Variants in FARS2 observed in about 807,000 individuals in gnomAD.
The protein encoded by FARS2 is phenylalanine--tRNA ligase, mitochondrial.
A neutral mutation model predicts 46.4 loss-of-function variants in FARS2; 40 were observed. The ratio of observed to expected loss-of-function variants is 0.86; its 90% CI spans 0.67 to 1.12. The LOEUF (loss-of-function observed/expected upper bound fraction) is 1.12. Among genes scored for constraint, FARS2 ranks in the 50% most tolerant of loss-of-function variants. The pLI is 0.00. For missense variants in FARS2, 513 were observed against 567.9 expected, an observed-to-expected ratio of 0.90 and a Z score of 0.98; for synonymous variants, 234 against 214.9, an observed-to-expected ratio of 1.09 and a Z score of -0.78.
chr6:5,307,404 TTG>T (rs1449902623), intron 1 of FARS2, among the ~76,000 whole-genome samples: 1 of 152,212 alleles, frequency 6.6e-6, no homozygotes, highest in African/African-American at 2.4e-5. Flanking sequence ...CATTAGTTCT[TTG>T]GGATATTTTT....
intron 1 of FARS2, among the ~76,000 whole-genome samples, chr6:5,349,695 C>A (rs1757451459): frequency 6.6e-6 from 1 of 152,098 alleles, no homozygotes; most frequent in Admixed American, 6.5e-5. Flanking sequence ...ACCTAATACC[C>A]TTTTTCCATT....
At position 5,623,775 on chromosome 6, in the gene FARS2, A is replaced by G. The variant is rs117988080; in HGVS notation, c.1217+10455A>G. Among the ~76,000 whole-genome samples, 37 of 152,278 alleles carry G rather than the reference A, an allele frequency of 2.4e-4. 1 individual carries two copies. The East Asian group carries it at 4.2e-3, about 17-fold the overall frequency. ...GGCATCGATGCTGGTCAGCAGAGTTATATAGCCAGTCTGGGTGTTCTCTGG... is the reference window on the plus strand; with the variant it reads ...GGCATCGATGCTGGTCAGCAGAGTTGTATAGCCAGTCTGGGTGTTCTCTGG... On this transcript the variant is annotated intron_variant, in intron 6 of 6. Coordinates refer to ENST00000274680, the MANE Select transcript of FARS2 (RefSeq NM_006567.5).
chr6:5,318,940 G>A (rs563006439), intron 1 of FARS2, among the ~76,000 whole-genome samples: 4 of 152,290 alleles, frequency 2.6e-5, no homozygotes, highest in Non-Finnish European at 4.4e-5. Context: ...TAGGTTCCCT[G>A]CTTCCCGACC....
At chr6:5,282,395 A>C (rs982261795) in intron 1 of FARS2, among the ~76,000 whole-genome samples, 1 of 152,212 alleles carries the variant, frequency 6.6e-6, no homozygotes, top group African/African-American at 2.4e-5. Flanking sequence ...TTCACATCCC[A>C]GGCGGACACC....
intron 6 of FARS2, among the ~76,000 whole-genome samples, chr6:5,685,959 G>A (rs976611686): frequency 2.0e-5 from 3 of 152,138 alleles, no homozygotes; most frequent in Non-Finnish European, 2.9e-5. Flanking sequence ...AAGACCACTC[G>A]GAGGATATTC....
chr6:5,362,197 A>AAAT (rs1380303478), intron 1 of FARS2, among the ~76,000 whole-genome samples: 1 of 152,154 alleles, frequency 6.6e-6, no homozygotes, highest in Non-Finnish European at 1.5e-5. Context: ...GTAATGATAG[A>AAAT]AATAATAATA....
chr6:5,699,025 C>A (rs1389430956), intron 6 of FARS2, among the ~76,000 whole-genome samples: 1 of 152,182 alleles, frequency 6.6e-6, no homozygotes, highest in African/African-American at 2.4e-5. Flanking sequence ...CTGTGCTGTG[C>A]AGGTAACTCA....
intron 2 of FARS2, among the ~76,000 whole-genome samples, chr6:5,393,706 C>T (rs1760723638): frequency 1.3e-5 from 2 of 152,032 alleles, no homozygotes; most frequent in Non-Finnish European, 2.9e-5. Flanking sequence ...ATACAGTTTA[C>T]CAGTGTGAGG....
intron 1 of FARS2, among the ~76,000 whole-genome samples, chr6:5,340,265 C>A (rs933201325): frequency 6.6e-6 from 1 of 152,178 alleles, no homozygotes; most frequent in Non-Finnish European, 1.5e-5. Context: ...TCCAATACCC[C>A]ACATGTCCAG....
intron 1 of FARS2, among the ~76,000 whole-genome samples, chr6:5,363,249 T>G (rs1758434528): frequency 6.6e-6 from 1 of 152,138 alleles, no homozygotes; most frequent in East Asian, 1.9e-4. Flanking sequence ...TTAAGTTATT[T>G]GCTTTCTTGC....
intron 4 of FARS2, among the ~76,000 whole-genome samples, chr6:5,465,652 T>TA (rs1765472965): frequency 6.6e-6 from 1 of 152,208 alleles, no homozygotes; most frequent in Non-Finnish European, 1.5e-5. Context: ...CATGTCTCTC[T>TA]AAGTACTCCT....
chr6:5,382,001 G>T (rs567211118), intron 2 of FARS2, among the ~76,000 whole-genome samples: 1 of 152,338 alleles, frequency 6.6e-6, no homozygotes, highest in Admixed American at 6.5e-5. Flanking sequence ...TAGCCAAAGA[G>T]CAGACTCTGG....
intron 4 of FARS2, among the ~76,000 whole-genome samples, chr6:5,541,681 A>G (rs1438269893): frequency 6.6e-6 from 1 of 152,128 alleles, no homozygotes; most frequent in African/African-American, 2.4e-5. Flanking sequence ...ACCCCAAGAG[A>G]GTGTTCTTGG....
chr6:5,714,217 C>T (rs1367872919), intron 6 of FARS2, among the ~76,000 whole-genome samples: 2 of 152,106 alleles, frequency 1.3e-5, no homozygotes, highest in South Asian at 2.1e-4. Flanking sequence ...AGGAGGCCAT[C>T]GTTGGGTTGC....
At chr6:5,281,654 A>G (rs1766737388) in intron 1 of FARS2, among the ~76,000 whole-genome samples, 1 of 141,196 alleles carries the variant, frequency 7.1e-6, no homozygotes, top group African/African-American at 2.5e-5. Flanking sequence ...GGTAACCACT[A>G]TTCTGTGAAT....
At chr6:5,358,345 C>A (rs1262033385) in intron 1 of FARS2, among the ~76,000 whole-genome samples, 1 of 151,804 alleles carries the variant, frequency 6.6e-6, no homozygotes, top group African/African-American at 2.4e-5. Flanking sequence ...CTTTTAAATG[C>A]TGAATATTAT....
intron 3 of FARS2, among the ~76,000 whole-genome samples, chr6:5,419,332 A>G (rs1762414386): frequency 1.3e-5 from 2 of 152,174 alleles, no homozygotes; most frequent in African/African-American, 4.8e-5. Context: ...AAAGTCTCAG[A>G]TTGTTTCATA....
chr6:5,767,491 T>C, intron 6 of FARS2, among the ~76,000 whole-genome samples: 1 of 152,230 alleles, frequency 6.6e-6, no homozygotes, highest in Non-Finnish European at 1.5e-5. Flanking sequence ...GTAGAATTGC[T>C]GGATTATATG....
At chr6:5,340,216 G>C (rs1202681560) in intron 1 of FARS2, among the ~76,000 whole-genome samples, 1 of 152,192 alleles carries the variant, frequency 6.6e-6, no homozygotes, top group Non-Finnish European at 1.5e-5. Context: ...GTAGCAACTA[G>C]TCACCTGTGA....
Sources: gnomAD v4.1 joint callset for allele counts (sites outside exome capture counted in the v4.1 genomes callset) on GRCh38, gnomAD v4.1.1 for gene constraint, MANE v1.5 for transcripts, NCBI Gene and HGNC (gene_info 2026-07-23, HGNC 2026-07-21) for gene names.